BTG4: variants seen among roughly 807,000 people sequenced by gnomAD.
BTG4 encodes BTG anti-proliferation factor 4, also known as protein BTG4.
In BTG4, 10 loss-of-function variants were observed where a neutral mutation model predicts 19.3. The ratio of observed to expected loss-of-function variants is 0.52; its 90% CI spans 0.32 to 0.88. The LOEUF (loss-of-function observed/expected upper bound fraction) is 0.88, where lower values mean the gene tolerates loss of function less well. BTG4 is among the 40% of genes least tolerant of loss of function. BTG4 has a pLI of 0.04. For synonymous variants in BTG4, 91 were observed against 95.7 expected, an observed-to-expected ratio of 0.95 and a Z score of 0.29; for missense variants, 238 against 281.9, an observed-to-expected ratio of 0.84 and a Z score of 1.11.
rs1180694005 is a variant in BTG4 at position 111,495,226 on chromosome 11, T to G, written c.599A>C (p.Asn200Thr). The stretch of plus-strand genomic sequence containing the variant: ...ATGCTTCTGCGAGCCATGGTAAGTG[T>G]TTCCCAGGAGGCCAACACGGCCGTC... ...VVDGRVGLLG[N>T]TYHGSQKHPK... The change falls in exon 5 of 5, where the codon AAC becomes ACC. Residue 200 changes from asparagine to threonine, a missense_variant. Transcript: ENST00000692032. The G allele has an allele frequency of 6.2e-7, 1 of 1,612,952 alleles. No individual in the cohort carries two copies. Among genetic ancestry groups the G allele is most frequent in the South Asian group, 1.1e-5 (1 of 90,760 alleles).
chr11:111,483,894 G>T (rs1036146580), intron 5 of BTG4, among the ~76,000 whole-genome samples: 4 of 152,068 alleles, frequency 2.6e-5, no homozygotes, highest in Non-Finnish European at 4.4e-5. Flanking sequence ...ACACCAAAAA[G>T]ATTCAACCTA....
At chr11:111,392,240 C>T in the BTG4 span, among the ~76,000 whole-genome samples, 2 of 140,890 alleles carry the variant, frequency 1.4e-5, no homozygotes, top group East Asian at 2.1e-4. Flanking sequence ...TGCAGCGGCA[C>T]GATCTCGGCT....
At chr11:111,466,198 C>T (rs1009829342), downstream of BTG4, among the ~76,000 whole-genome samples, 11 of 152,060 alleles carry the variant, frequency 7.2e-5, no homozygotes, top group African/African-American at 2.7e-4. Flanking sequence ...TCTTATAGAA[C>T]CTGGGCCAGA....
intron 5 of BTG4, chr11:111,474,952 G>A (rs915033034): frequency 6.6e-6 from 1 of 152,428 alleles, no homozygotes. Context: ...GCCTAATCCA[G>A]TCTTTTGCCC....
chr11:111,422,715 C>T, the BTG4 span, among the ~76,000 whole-genome samples: 1 of 152,276 alleles, frequency 6.6e-6, no homozygotes, highest in East Asian at 1.9e-4. Flanking sequence ...ACTCCCGAGG[C>T]CAGAAACAGG....
chr11:111,507,206 A>G (rs1222969349), intron 1 of BTG4, among the ~76,000 whole-genome samples: 2 of 152,138 alleles, frequency 1.3e-5, no homozygotes, highest in African/African-American at 4.8e-5. Flanking sequence ...CAGGATAATC[A>G]GTCTGTTTTC....
Position 111,498,734 on chromosome 11 carries a change from A to ATGTTTTT in BTG4, c.42_43insAAAAACA (p.Leu15LysfsTer8). 8.7e-6 allele frequency: 14 copies of ATGTTTTT among 1,612,954 alleles called. No homozygotes were observed. The highest frequency in any genetic ancestry group is 1.1e-5 in the Non-Finnish European group (13 of 1,179,580). On this transcript the variant is annotated frameshift_variant, in exon 2 of 5. Transcript: ENST00000692032. LOFTEE classifies it high-confidence loss of function. ...CTTAGTTTATCATGTTTTTTCACCA[A>ATGTTTTT]TCTTGTGACAAAGAAAACTGTTGTT...
the BTG4 span, among the ~76,000 whole-genome samples, chr11:111,422,850 G>A: frequency 6.6e-6 from 1 of 152,312 alleles, no homozygotes; most frequent in Admixed American, 6.5e-5. Context: ...AAGCAGCTGT[G>A]GGTGGAGAGG....
At chr11:111,430,656 G>A in the BTG4 span, among the ~76,000 whole-genome samples, 1 of 152,134 alleles carries the variant, frequency 6.6e-6, no homozygotes, top group South Asian at 2.1e-4. Flanking sequence ...GGATTTGGGG[G>A]GTCCCAAGAT....
At chr11:111,477,084 C>G (rs118158540) in intron 5 of BTG4, among the ~76,000 whole-genome samples, 48 of 152,274 alleles carry the variant, frequency 3.2e-4, no homozygotes, top group African/African-American at 1.1e-3. Flanking sequence ...TCATTCTTGG[C>G]TGATCAAGGC....
chr11:111,510,207 G>A (rs1866784006), intron 1 of BTG4, among the ~76,000 whole-genome samples: 1 of 152,010 alleles, frequency 6.6e-6, no homozygotes, highest in Non-Finnish European at 1.5e-5. Flanking sequence ...ACAACCCCCG[G>A]CCTGTCTCCA....
chr11:111,472,040 G>T (rs569175631), intron 5 of BTG4, among the ~76,000 whole-genome samples: 4 of 152,146 alleles, frequency 2.6e-5, no homozygotes, highest in Admixed American at 6.5e-5. Context: ...ATTGCCTCTT[G>T]CCCGGATTAC....
the BTG4 span, chr11:111,448,446 A>T: frequency 6.5e-6 from 1 of 152,848 alleles, no homozygotes; most frequent in South Asian, 2.1e-4. Context: ...CTGTCCCCCT[A>T]CAGGTAGTCT....
chr11:111,388,335 G>GT, the BTG4 span, among the ~76,000 whole-genome samples: 691 of 141,350 alleles, frequency 4.9e-3, 1 homozygote, highest in Middle Eastern at 0.011. Flanking sequence ...GGAGGTGTGT[G>GT]TTTTTTTTTT....
the BTG4 span, chr11:111,453,361 T>C: frequency 2.4e-6 from 1 of 418,908 alleles, no homozygotes; most frequent in Admixed American, 2.5e-5. Flanking sequence ...AGGATGCTGC[T>C]CCCTCAGCTC....
rs778072814 is a variant in BTG4 at position 111,497,312 on chromosome 11, C to G, written c.409G>C (p.Ala137Pro). 4 of 1,602,196 alleles carry G rather than the reference C, an allele frequency of 2.5e-6. No individual in the cohort carries two copies. Among genetic ancestry groups the G allele is most frequent in the Non-Finnish European group, 3.4e-6 (4 of 1,176,286 alleles). ...GTGCCAGAGGAAACGTCTGATGAGG[C>G]TCTACTAACGGCATAACTGATTTGT... The part of the protein sequence containing the change: ...YQQISYAVSR[A>P]SSDVSSGTSC... Residue 137 changes from alanine to proline, a missense_variant, in exon 4 of 5, where the codon GCC becomes CCC. Transcript: ENST00000692032.
chr11:111,458,284 C>T, the BTG4 span: 2 of 137,156 alleles, frequency 1.5e-5, no homozygotes, highest in African/African-American at 5.5e-5. Context: ...CCAGAATGAC[C>T]TGGTGCTTTG....
the BTG4 span, chr11:111,386,148 A>C: frequency 6.6e-6 from 1 of 152,194 alleles, no homozygotes; most frequent in African/African-American, 2.4e-5. Context: ...ACAAAGAACA[A>C]GTTGTCCTAT....
the BTG4 span, among the ~76,000 whole-genome samples, chr11:111,399,434 G>C: frequency 1.3e-4 from 20 of 152,194 alleles, 1 homozygote; most frequent in Admixed American, 1.3e-3. Flanking sequence ...AGCCCAATGA[G>C]ACTTTAAGCT....
Sources: allele counts gnomAD v4.1 joint callset (sites outside exome capture counted in the v4.1 genomes callset), GRCh38; gene constraint gnomAD v4.1.1; transcripts MANE v1.5; gene names NCBI Gene and HGNC (gene_info 2026-07-23, HGNC 2026-07-21).